PKD1L1: variants seen among roughly 807,000 people sequenced by gnomAD.
PKD1L1 encodes the protein polycystin 1 like 1, transient receptor potential channel interacting.
A neutral mutation model predicts 323.4 loss-of-function variants in PKD1L1; 236 were observed. The observed-to-expected ratio is 0.73, with a 90% confidence interval of 0.66 to 0.81. The LOEUF is 0.81. PKD1L1 is among the 40% of genes least tolerant of loss of function. PKD1L1 has a pLI of 0.00. For missense variants in PKD1L1, 3,320 were observed against 3,508.0 expected, an observed-to-expected ratio of 0.95 and a Z score of 1.35; for synonymous variants, 1,344 against 1,335.0, an observed-to-expected ratio of 1.01 and a Z score of -0.15.
At chr7:47,850,988 T>G (rs1168473647) in intron 31 of PKD1L1, among the ~76,000 whole-genome samples, 1 of 152,176 alleles carries the variant, frequency 6.6e-6, no homozygotes, top group Non-Finnish European at 1.5e-5. Flanking sequence ...GAATTCTCAC[T>G]GTAGGAGAAT....
chr7:47,928,441 A>C (rs1049787254), intron 7 of PKD1L1, among the ~76,000 whole-genome samples: 2 of 152,002 alleles, frequency 1.3e-5, no homozygotes, highest in African/African-American at 4.8e-5. Flanking sequence ...ATGGTGGTGC[A>C]CACCTGTAAT....
At chr7:47,818,733 A>C (rs1785076585) in intron 46 of PKD1L1, among the ~76,000 whole-genome samples, 1 of 152,210 alleles carries the variant, frequency 6.6e-6, no homozygotes, top group African/African-American at 2.4e-5. Context: ...AGATAAAATC[A>C]GCTGTTATTT....
Position 47,821,078 on chromosome 7 carries a change from T to C in PKD1L1, c.6963A>G (p.Thr2321=). The C allele has an allele frequency of 1.3e-6, 2 of 1,572,344 alleles. No individual in the cohort carries two copies. Among genetic ancestry groups the C allele is most frequent in the African/African-American group, 1.4e-5 (1 of 74,024 alleles). ...GAAGAGTTACCCAAACCTCCTACCTTGTAAATTCTTTCCGGATAGCTTGAT... is the reference window on the plus strand; with the variant it reads ...GAAGAGTTACCCAAACCTCCTACCTCGTAAATTCTTTCCGGATAGCTTGAT... ...SLNQAIRKEF[T]RNARNCLGGL... Residue 2321 remains threonine (T), a splice_region_variant and synonymous_variant, in exon 46 of 57, where the codon ACA becomes ACG. Transcript: ENST00000289672.
At chr7:47,844,912 C>T in intron 33 of PKD1L1, 83 bp downstream of exon 33, 2 of 1,132,676 alleles carry the variant, frequency 1.8e-6, no homozygotes, top group Non-Finnish European at 2.5e-6. Flanking sequence ...TTTCAAGCAC[C>T]CCCGGAATTA....
In PKD1L1 at chr7:47,808,340, G is replaced by A. The variant is rs369434162; in HGVS notation, c.7734C>T (p.His2578=). ...VSLTYYAVSG[H]LVTLAGDVTN... ...TGACATCTCCAGCAAGAGTAACAAG[G>A]TGGCCGGAAACTGCATAGTAGGTGA... The change falls in exon 52 of 57, where the codon CAC becomes CAT. Residue 2578 remains histidine (H), a synonymous_variant. Coordinates refer to ENST00000289672, the MANE Select transcript of PKD1L1 (RefSeq NM_138295.5). 2 of 1,614,138 alleles carry A rather than the reference G, an allele frequency of 1.2e-6. No homozygotes were observed. The highest frequency in any genetic ancestry group is 1.7e-6 in the Non-Finnish European group (2 of 1,180,028).
intron 56 of PKD1L1, among the ~76,000 whole-genome samples, chr7:47,784,906 A>G (rs1348038854): frequency 6.6e-6 from 1 of 152,122 alleles, no homozygotes; most frequent in East Asian, 1.9e-4. Flanking sequence ...TGCTTGCTTT[A>G]TTAGTTGCCC....
rs2128755219 is a variant in PKD1L1, at chr7:47,929,265, T to C, written c.999A>G (p.Glu333=). 1 of 1,614,096 alleles carries C rather than the reference T, an allele frequency of 6.2e-7. No individual in the cohort carries two copies. Among genetic ancestry groups the C allele is most frequent in the Non-Finnish European group, 8.5e-7 (1 of 1,180,004 alleles). Residue 333 remains glutamate (E), a synonymous_variant, in exon 7 of 57, where the codon GAA becomes GAG. Coordinates refer to ENST00000289672, the MANE Select transcript of PKD1L1 (RefSeq NM_138295.5). ...CCTCAGACATGTTGTGTAGCCTCAT[T>C]TCAACCCCAGAACTGTCCCCGAAAT... ...MMDFGDSSGV[E]MRLHNMSEAM... is the part of the protein sequence containing the mutation.
At chr7:47,902,323 A>T in intron 13 of PKD1L1, 56 bp downstream of exon 13, 1 of 1,597,082 alleles carries the variant, frequency 6.3e-7, no homozygotes, top group African/African-American at 1.3e-5. Context: ...AGTGGTCCCA[A>T]CTCAGAGGGA....
At chr7:47,859,610 T>A (rs546632806) in intron 26 of PKD1L1, among the ~76,000 whole-genome samples, 2 of 149,088 alleles carry the variant, frequency 1.3e-5, no homozygotes, top group African/African-American at 4.9e-5. Flanking sequence ...TCCCAAGTGC[T>A]GGGACTAAAG....
intron 53 of PKD1L1, among the ~76,000 whole-genome samples, chr7:47,802,087 A>T (rs1178729522): frequency 6.6e-6 from 1 of 150,888 alleles, no homozygotes; most frequent in Non-Finnish European, 1.5e-5. Context: ...GCTACTCGGG[A>T]GGCTGAGGCA....
At chr7:47,783,524 C>T (rs542321394) in intron 56 of PKD1L1, among the ~76,000 whole-genome samples, 1 of 152,266 alleles carries the variant, frequency 6.6e-6, no homozygotes, top group African/African-American at 2.4e-5. Context: ...AAAAAAGGCA[C>T]TGGTGGATGT....
At chr7:47,888,554 C>A (rs1273481293) in intron 16 of PKD1L1, among the ~76,000 whole-genome samples, 1 of 152,256 alleles carries the variant, frequency 6.6e-6, no homozygotes, top group Non-Finnish European at 1.5e-5. Context: ...TGCCTCAGGG[C>A]TTGCTTCTAC....
chr7:47,880,210 A>G (rs886505282), intron 21 of PKD1L1, among the ~76,000 whole-genome samples: 4 of 144,740 alleles, frequency 2.8e-5, no homozygotes, highest in Admixed American at 2.8e-4. Context: ...GATTTGCAGG[A>G]AAGGAATCAA....
intron 24 of PKD1L1, among the ~76,000 whole-genome samples, chr7:47,871,199 C>T (rs565226108): frequency 3.3e-5 from 5 of 152,114 alleles, no homozygotes; most frequent in Non-Finnish European, 7.3e-5. Context: ...TATTCCCAGA[C>T]TGTAAGAGTG....
chr7:47,825,531 C>CAAA (rs113757054), intron 45 of PKD1L1, among the ~76,000 whole-genome samples: 2 of 92,500 alleles, frequency 2.2e-5, no homozygotes, highest in Admixed American at 1.2e-4. Context: ...AACTCTGTCT[C>CAAA]AAAAAAAAAA....
At chr7:47,880,871 G>C in intron 20 of PKD1L1, 66 bp from the exon 21 acceptor site, 1 of 1,331,472 alleles carries the variant, frequency 7.5e-7, no homozygotes, top group Non-Finnish European at 1.0e-6. Context: ...GTCACACAGA[G>C]TCCTTGGAAA....
At chr7:47,834,894 A>G (rs965841901) in intron 39 of PKD1L1, 73 bp downstream of exon 39, 2 of 1,297,350 alleles carry the variant, frequency 1.5e-6, no homozygotes, top group East Asian at 4.7e-5. Context: ...AGAAGATACA[A>G]TTTCTACTTA....
chr7:47,849,434 T>A (rs1352824879), intron 31 of PKD1L1, among the ~76,000 whole-genome samples: 2 of 151,604 alleles, frequency 1.3e-5, no homozygotes, highest in Non-Finnish European at 2.9e-5. Context: ...GGAGAAAAAA[T>A]TTGCAAACTA....
At chr7:47,955,181 C>T in the PKD1L1 span, among the ~76,000 whole-genome samples, 1 of 152,168 alleles carries the variant, frequency 6.6e-6, no homozygotes, top group Non-Finnish European at 1.5e-5. Context: ...TGTGGTGCCA[C>T]CTTATTGATC....
Sources: gnomAD v4.1 joint callset for allele counts (sites outside exome capture counted in the v4.1 genomes callset) on GRCh38, gnomAD v4.1.1 for gene constraint, MANE v1.5 for transcripts, NCBI Gene and HGNC (gene_info 2026-07-23, HGNC 2026-07-21) for gene names.